The following EYS variants were observed in gnomAD, a reference collection of about 807,000 sequenced individuals.
EYS encodes EGF-like photoreceptor maintenance factor.
EYS carries 250 observed loss-of-function variants against 282.1 expected under a neutral mutation model. That is an observed-to-expected ratio of 0.89 (90% CI 0.80 to 0.98). EYS has a LOEUF of 0.98. Among genes scored for constraint, EYS ranks in the 50% least tolerant of loss-of-function variants. The probability of loss-of-function intolerance (pLI) is 0.00; values close to 1 mark genes in which losing one functional copy is unlikely to be tolerated. For missense variants in EYS, 4,016 were observed against 3,709.0 expected (o/e 1.08, Z -2.15); for synonymous variants, 1,355 against 1,282.9 (o/e 1.06, Z -1.20).
At chr6:65,045,007 C>T (rs1297106847) in intron 13 of EYS, among the ~76,000 whole-genome samples, 1 of 151,790 alleles carries the variant, frequency 6.6e-6, no homozygotes, top group Non-Finnish European at 1.5e-5. Context: ...CTCAGCAGAG[C>T]TTCTTTCTTT....
intron 35 of EYS, among the ~76,000 whole-genome samples, chr6:63,902,120 C>G (rs1401214635): frequency 1.3e-5 from 2 of 152,176 alleles, no homozygotes; most frequent in East Asian, 3.9e-4. Flanking sequence ...TCTTGAACTC[C>G]TGTCCTCAAA....
Position 64,912,625 on chromosome 6 carries a change from C to G in EYS, c.2500G>C (p.Val834Leu). The G allele has an allele frequency of 6.4e-7, 1 of 1,551,080 alleles. No individual in the cohort carries two copies. Among genetic ancestry groups the G allele is most frequent in the Non-Finnish European group, 8.7e-7 (1 of 1,146,606 alleles). ...GTATAAAGGGGTGGGCACAGACATA[C>G]AAATTGTCCAGGGATGGTAGATTCA... The part of the protein sequence containing the change: ...CHESTIPGQF[V>L]CLCPPLYTGQ... Residue 834 changes from valine (V) to leucine (L), a missense_variant, in exon 16 of 43, where the codon GTA becomes CTA. Val to Leu is a conservative substitution (Grantham distance 32, BLOSUM62 1). Coordinates refer to ENST00000503581, the MANE Select transcript of EYS (RefSeq NM_001142800.2).
intron 8 of EYS, among the ~76,000 whole-genome samples, chr6:65,359,475 G>T (rs1012380969): frequency 6.6e-6 from 1 of 151,936 alleles, no homozygotes. Context: ...TATTTCAGCA[G>T]CAACCTTTCT....
In EYS at chr6:64,912,700, C is replaced by A. The variant is rs951544417; in HGVS notation, c.2425G>T (p.Glu809Ter). 2.6e-6 allele frequency: 4 copies of A among 1,515,786 alleles called. No individual in the cohort carries two copies. The highest frequency in any genetic ancestry group is 3.6e-6 in the Non-Finnish European group (4 of 1,125,600). 93.9% of individuals were successfully genotyped at this position (1,515,786 alleles called of 1,614,324 possible). ...GGATCAGAGTCGCATTCATTTATTT[C>A]TTCACTACAGTTCTGTCCAGTCCAT... ...SGWTGQNCSE[E>*]INECDSDPCM... Residue 809 changes from glutamate to a stop codon, truncating the protein, a stop_gained, in exon 16 of 43, where the codon GAA becomes TAA. Coordinates refer to ENST00000503581, the MANE Select transcript of EYS (RefSeq NM_001142800.2). LOFTEE classifies it high-confidence loss of function.
chr6:64,610,143 G>T (rs1767062797), intron 24 of EYS, among the ~76,000 whole-genome samples: 2 of 152,014 alleles, frequency 1.3e-5, no homozygotes, highest in Admixed American at 6.6e-5. Flanking sequence ...TGTTCATGCT[G>T]TAAGTGAAGA....
At chr6:64,021,634 A>T (rs527257795) in intron 33 of EYS, among the ~76,000 whole-genome samples, 1 of 152,306 alleles carries the variant, frequency 6.6e-6, no homozygotes, top group East Asian at 1.9e-4. Context: ...AATTGAAAAG[A>T]TTATCATATG....
chr6:65,382,352 G>A (rs1237954182), intron 8 of EYS, among the ~76,000 whole-genome samples: 1 of 150,488 alleles, frequency 6.6e-6, no homozygotes, highest in African/African-American at 2.4e-5. Flanking sequence ...TTTTTTCCAT[G>A]TGTGTTGTGA....
chr6:64,950,047 A>G (rs2150098902), intron 14 of EYS, among the ~76,000 whole-genome samples: 1 of 152,094 alleles, frequency 6.6e-6, no homozygotes, highest in East Asian at 1.9e-4. Flanking sequence ...ACTTATTTTT[A>G]TAAACATTTA....
At chr6:64,085,313 GACGCGCGCGCGTGCGC>G (rs946215383) in intron 31 of EYS, among the ~76,000 whole-genome samples, 7 of 124,928 alleles carry the variant, frequency 5.6e-5, no homozygotes, top group Non-Finnish European at 1.1e-4. Context: ...TCTCCTTCCA[GACGCGCGCGCGTGCGC>G]ACGTGCGCGC....
chr6:64,619,164 A>T (rs1767367937), intron 23 of EYS, among the ~76,000 whole-genome samples: 1 of 152,204 alleles, frequency 6.6e-6, no homozygotes, highest in Non-Finnish European at 1.5e-5. Context: ...CATGGTAGTT[A>T]TACACATTTA....
At chr6:64,449,742 T>C (rs1162855401) in intron 26 of EYS, among the ~76,000 whole-genome samples, 2 of 152,186 alleles carry the variant, frequency 1.3e-5, no homozygotes, top group Non-Finnish European at 2.9e-5. Flanking sequence ...CAGAATTTCA[T>C]ATCCAGCCAA....
In EYS at chr6:64,794,797, G is replaced by C. The variant is rs568356088; in HGVS notation, c.3443+18581C>G. 2.0e-5 allele frequency among the ~76,000 whole-genome samples: 3 copies of C among 152,030 alleles called. No homozygotes were observed. In the East Asian group the frequency reaches 5.8e-4, roughly 29 times the overall value. On this transcript the variant is annotated intron_variant, in intron 22 of 42. Transcript: ENST00000503581. ...TCAAATAATCAATTCCCATTACTAT[G>C]ATTTTCTGAAAAAAATCACAGGATA...
chr6:65,494,842 A>T lies in EYS; in HGVS notation c.569T>A (p.Leu190His). The stretch of plus-strand genomic sequence containing the variant: ...ATATGTCTTGCTCCAAGCTTCACTA[A>T]GACATTTACCATGACCAGAGCAAAA... ...SEFCSGHGKC[L>H]SEAWSKTYSC... The change falls in exon 4 of 43, where the codon CTT (leucine) becomes CAT (histidine). Residue 190 changes from leucine to histidine, a missense_variant. By Grantham distance (99) the Leu-to-His change is moderately conservative (BLOSUM62 -3). Transcript: ENST00000503581. The T allele has an allele frequency of 1.2e-5, 20 of 1,614,122 alleles. No individual in the cohort carries two copies. Among genetic ancestry groups the T allele is most frequent in the Non-Finnish European group, 1.6e-5 (19 of 1,180,014 alleles).
intron 30 of EYS, among the ~76,000 whole-genome samples, chr6:64,280,238 T>C (rs1184603110): frequency 6.6e-6 from 1 of 152,188 alleles, no homozygotes; most frequent in Admixed American, 6.5e-5. Flanking sequence ...AGTGTAACCC[T>C]GGCATTTGCA....
intron 22 of EYS, among the ~76,000 whole-genome samples, chr6:64,691,408 A>G (rs1219198294): frequency 2.6e-5 from 4 of 152,222 alleles, no homozygotes. Flanking sequence ...ATAATAACTA[A>G]TGAATAGAGT....
intron 33 of EYS, among the ~76,000 whole-genome samples, chr6:64,002,421 C>A (rs770092659): frequency 6.6e-6 from 1 of 152,202 alleles, no homozygotes; most frequent in Non-Finnish European, 1.5e-5. Context: ...GCAGAGGGCC[C>A]ACTGAGCTGA....
At chr6:65,497,291 C>T (rs569907288) in intron 2 of EYS, among the ~76,000 whole-genome samples, 12 of 152,120 alleles carry the variant, frequency 7.9e-5, no homozygotes, top group African/African-American at 2.6e-4. Flanking sequence ...AGACAAGGAA[C>T]ATCATCAAAT....
intron 11 of EYS, among the ~76,000 whole-genome samples, chr6:65,334,512 C>T (rs1258526574): frequency 6.6e-6 from 1 of 151,808 alleles, no homozygotes; most frequent in Non-Finnish European, 1.5e-5. Context: ...TCAAGCTATT[C>T]TCTTGCCCTG....
Position 64,571,033 on chromosome 6 carries a change from A to T in EYS, c.5644+19190T>A, listed in dbSNP as rs540287214. Reference sequence around the variant, plus strand: ...AAAATTGACCATATAATTAGAAGTGAAACACTCCTCAGCAAGTGGAAAACA... The same window carrying T: ...AAAATTGACCATATAATTAGAAGTGTAACACTCCTCAGCAAGTGGAAAACA... On this transcript the variant is annotated intron_variant, in intron 26 of 42. Transcript: ENST00000503581. 2.6e-5 allele frequency among the ~76,000 whole-genome samples: 4 copies of T among 152,320 alleles called. No individual in the cohort carries two copies. The East Asian group carries it at 7.7e-4, about 29-fold the overall frequency.
Sources: gnomAD v4.1 joint callset for allele counts (sites outside exome capture counted in the v4.1 genomes callset) on GRCh38, gnomAD v4.1.1 for gene constraint, MANE v1.5 for transcripts, NCBI Gene and HGNC (gene_info 2026-07-23, HGNC 2026-07-21) for gene names.